CACNA2D3: variants seen among roughly 807,000 people sequenced by gnomAD.
CACNA2D3 encodes the protein voltage-dependent calcium channel subunit alpha-2/delta-3.
In CACNA2D3, 60 loss-of-function variants were observed where a neutral mutation model predicts 160.6. The ratio of observed to expected loss-of-function variants is 0.37; its 90% confidence interval spans 0.30 to 0.46. CACNA2D3 has a LOEUF of 0.46. CACNA2D3 is among the 20% of genes least tolerant of loss of function. The pLI is 1.00. For synonymous variants in CACNA2D3, 558 were observed against 492.9 expected (o/e 1.13, Z -1.75); for missense variants, 1,205 against 1,365.0 (o/e 0.88, Z 1.85).
chr3:54,452,422 G>C (rs925147696), intron 4 of CACNA2D3, among the ~76,000 whole-genome samples: 3 of 152,128 alleles, frequency 2.0e-5, no homozygotes, highest in African/African-American at 7.2e-5. Context: ...ATTTAGGTGG[G>C]GACACAGCCA....
At chr3:54,345,132 G>T (rs1222740890) in intron 3 of CACNA2D3, among the ~76,000 whole-genome samples, 6 of 152,218 alleles carry the variant, frequency 3.9e-5, no homozygotes, top group Admixed American at 2.6e-4. Flanking sequence ...AGCCCTTGGG[G>T]CTTCTCTGTC....
At chr3:54,527,682 T>G (rs375622580) in intron 5 of CACNA2D3, among the ~76,000 whole-genome samples, 1 of 152,182 alleles carries the variant, frequency 6.6e-6, no homozygotes, top group East Asian at 1.9e-4. Flanking sequence ...AACAGGCAGC[T>G]GGTAGCAGGA....
chr3:54,585,024 A>G (rs1046752147), intron 9 of CACNA2D3, among the ~76,000 whole-genome samples: 1 of 152,204 alleles, frequency 6.6e-6, no homozygotes, highest in Non-Finnish European at 1.5e-5. Context: ...TCTAAAGGGA[A>G]TTCTCTAAAC....
chr3:54,455,519 A>G (rs1464549720), intron 4 of CACNA2D3, among the ~76,000 whole-genome samples: 1 of 151,454 alleles, frequency 6.6e-6, no homozygotes, highest in African/African-American at 2.4e-5. Flanking sequence ...CCCATTTTGG[A>G]GGTTGTCTTT....
At chr3:54,953,013 A>G (rs1282855634) in intron 27 of CACNA2D3, among the ~76,000 whole-genome samples, 2 of 152,192 alleles carry the variant, frequency 1.3e-5, no homozygotes, top group South Asian at 2.1e-4. Context: ...AGCAGGAGTC[A>G]TTCTCCAGTC....
intron 27 of CACNA2D3, among the ~76,000 whole-genome samples, chr3:54,939,618 T>G (rs866805234): frequency 1.3e-5 from 2 of 152,106 alleles, no homozygotes; most frequent in Non-Finnish European, 2.9e-5. Context: ...GTGCAGAGAG[T>G]TAGCAATAAC....
chr3:54,818,094 G>T (rs1225413280), intron 14 of CACNA2D3, among the ~76,000 whole-genome samples: 1 of 152,142 alleles, frequency 6.6e-6, no homozygotes, highest in Admixed American at 6.5e-5. Flanking sequence ...TCCACTTATT[G>T]ACATTTATTC....
chr3:54,343,196 C>A (rs369091208), intron 3 of CACNA2D3, among the ~76,000 whole-genome samples: 6 of 152,194 alleles, frequency 3.9e-5, no homozygotes, highest in Non-Finnish European at 8.8e-5. Flanking sequence ...AAGCCCCCCC[C>A]TCCCACGAGG....
intron 2 of CACNA2D3, among the ~76,000 whole-genome samples, chr3:54,128,219 C>G (rs1463046613): frequency 6.6e-6 from 1 of 152,164 alleles, no homozygotes; most frequent in Non-Finnish European, 1.5e-5. Flanking sequence ...GAATACCAAA[C>G]CACCTGATAA....
rs1305516148 is a variant in CACNA2D3, at chr3:55,040,338, A to ATC, written c.2987+22024_2987+22025dup. On this transcript the variant is annotated intron_variant, in intron 35 of 37. Transcript: ENST00000474759. ...GTATCTCTTTTCTCTTACACTAAAA[A>ATC]TCTCACTTCCTAACCATATCAGCAT... is the stretch of plus-strand genomic sequence containing the variant. 2.0e-5 allele frequency among the ~76,000 whole-genome samples: 3 copies of ATC among 152,280 alleles called. No individual in the cohort carries two copies. In the East Asian group the frequency reaches 5.8e-4, roughly 29 times the overall value.
chr3:55,038,416 A>G (rs571230207), intron 35 of CACNA2D3, among the ~76,000 whole-genome samples: 5 of 152,266 alleles, frequency 3.3e-5, no homozygotes, highest in Non-Finnish European at 5.9e-5. Context: ...GATGTGTTGC[A>G]TATCAATATA....
At chr3:54,298,001 G>A (rs7430091) in intron 2 of CACNA2D3, among the ~76,000 whole-genome samples, 35,331 of 152,126 alleles carry the variant, frequency 0.23, 4,351 homozygotes, top group South Asian at 0.34. Context: ...AAAGCACCTC[G>A]GGAGATTCAT....
At chr3:54,316,713 C>T (rs746908353) in intron 2 of CACNA2D3, among the ~76,000 whole-genome samples, 2 of 152,076 alleles carry the variant, frequency 1.3e-5, no homozygotes, top group African/African-American at 4.8e-5. Context: ...GACAACCTGC[C>T]GTAAAGCCAG....
chr3:54,942,383 G>A (rs986532322), intron 27 of CACNA2D3, among the ~76,000 whole-genome samples: 2 of 152,170 alleles, frequency 1.3e-5, no homozygotes, highest in African/African-American at 2.4e-5. Context: ...CAGCCTCCAC[G>A]AGAGCATGCA....
intron 29 of CACNA2D3, among the ~76,000 whole-genome samples, chr3:54,976,638 T>C (rs191810131): frequency 5.9e-5 from 9 of 152,350 alleles, no homozygotes; most frequent in Admixed American, 2.6e-4. Flanking sequence ...ATTGTTACTA[T>C]TATTAGTGAC....
At chr3:54,453,954 G>T (rs1700353418) in intron 4 of CACNA2D3, among the ~76,000 whole-genome samples, 2 of 152,288 alleles carry the variant, frequency 1.3e-5, no homozygotes, top group South Asian at 4.2e-4. Context: ...CAAACCACAT[G>T]AGCTGAAATC....
intron 11 of CACNA2D3, among the ~76,000 whole-genome samples, chr3:54,740,387 C>T (rs762811624): frequency 6.6e-6 from 1 of 152,166 alleles, no homozygotes; most frequent in Admixed American, 6.5e-5. Context: ...ACCCTATTCA[C>T]CTGAGGCTAC....
At chr3:54,709,011 C>T (rs1459806703) in intron 11 of CACNA2D3, among the ~76,000 whole-genome samples, 12 of 142,144 alleles carry the variant, frequency 8.4e-5, no homozygotes, top group Admixed American at 7.7e-4. Context: ...CCATCTTCAT[C>T]TTTTTTTTTT....
At chr3:54,518,741 T>C (rs1482931823) in intron 5 of CACNA2D3, among the ~76,000 whole-genome samples, 2 of 118,866 alleles carry the variant, frequency 1.7e-5, no homozygotes, top group African/African-American at 3.3e-5. Context: ...ATGAAATATC[T>C]TTTGACATTT....
Sources: gnomAD v4.1 joint callset for allele counts (sites outside exome capture counted in the v4.1 genomes callset) on GRCh38, gnomAD v4.1.1 for gene constraint, MANE v1.5 for transcripts, NCBI Gene and HGNC (gene_info 2026-07-23, HGNC 2026-07-21) for gene names.